The following CMSS1 variants were observed in gnomAD, a reference collection of about 807,000 sequenced individuals.
The protein encoded by CMSS1 is cms1 ribosomal small subunit homolog.
CMSS1 carries 33 observed loss-of-function variants against 43.5 expected under a neutral mutation model. The ratio of observed to expected loss-of-function variants is 0.76; its 90% CI spans 0.57 to 1.01. The LOEUF is 1.01. Ranked by LOEUF, CMSS1 falls within the 50% of genes least tolerant of loss-of-function variation. The pLI is 0.00. For synonymous variants in CMSS1, 115 were observed against 117.2 expected (o/e 0.98, Z 0.12); for missense variants, 313 against 326.4 (o/e 0.96, Z 0.32).
intron 1 of CMSS1, among the ~76,000 whole-genome samples, chr3:99,966,306 G>A (rs964662297): frequency 3.3e-5 from 5 of 152,174 alleles, no homozygotes; most frequent in African/African-American, 1.2e-4. Flanking sequence ...GGGCAAAGCA[G>A]CCTCCACCAC....
At chr3:100,171,921 C>A in intron 7 of CMSS1, 22 bp downstream of exon 7, 1 of 1,583,608 alleles carries the variant, frequency 6.3e-7, no homozygotes, top group South Asian at 1.1e-5. Context: ...CCTGTGTGAT[C>A]CCTAAAGGCC....
At position 99,910,412 on chromosome 3, in the gene CMSS1, G is replaced by A. The variant is rs536315196; in HGVS notation, c.64+92369G>A. The stretch of plus-strand genomic sequence containing the variant: ...ATGTAACAAAAACAGGGTTCTGTGA[G>A]CTTTTAGAGGTGAAATGTTTCATTT... On this transcript the variant is annotated intron_variant, in intron 1 of 9. Transcript: ENST00000421999. Among the ~76,000 whole-genome samples, 276 of 136,310 alleles carry A rather than the reference G, an allele frequency of 2.0e-3. 51 individuals are homozygous for A. The highest frequency in any genetic ancestry group is 2.6e-3 in the Non-Finnish European group (154 of 59,592). The allele number at this position is 136,310 out of a possible 152,430, so 89.4% of individuals were successfully genotyped here.
chr3:99,822,621 A>C (rs1254992496), intron 1 of CMSS1, among the ~76,000 whole-genome samples: 1 of 152,162 alleles, frequency 6.6e-6, no homozygotes, highest in Non-Finnish European at 1.5e-5. Context: ...AATCCCAGCT[A>C]CTCAGGAGAC....
intron 1 of CMSS1, among the ~76,000 whole-genome samples, chr3:100,122,297 T>C (rs1279982928): frequency 6.6e-6 from 1 of 152,178 alleles, no homozygotes; most frequent in Non-Finnish European, 1.5e-5. Flanking sequence ...GGTGGGCTCC[T>C]GGTAACCTAC....
intron 1 of CMSS1, among the ~76,000 whole-genome samples, chr3:99,881,408 A>G (rs1047454340): frequency 6.6e-6 from 1 of 152,218 alleles, no homozygotes; most frequent in Non-Finnish European, 1.5e-5. Flanking sequence ...AATCACAGAA[A>G]TTAGAGACGG....
chr3:99,916,618 A>G lies in CMSS1; in HGVS notation c.64+98575A>G, dbSNP rs9825938. ...AATCACAGGAACCTATGAGATCTCT[A>G]TCATTTTTTAAACAGATGGTGAATC... is the stretch of plus-strand genomic sequence containing the variant. On this transcript the variant is annotated intron_variant, in intron 1 of 9. Transcript: ENST00000421999. Among the ~76,000 whole-genome samples, 764 of 152,282 alleles carry G rather than the reference A, an allele frequency of 5.0e-3. 6 individuals carry two copies. Among genetic ancestry groups the G allele is most frequent in the African/African-American group, 0.017 (721 of 41,558 alleles).
intron 1 of CMSS1, among the ~76,000 whole-genome samples, chr3:99,999,961 G>A (rs1709795217): frequency 6.6e-6 from 1 of 152,130 alleles, no homozygotes; most frequent in Admixed American, 6.6e-5. Flanking sequence ...CTAGACTCTA[G>A]AACAGTGATT....
chr3:100,152,015 CT>C (rs2066914377), intron 2 of CMSS1, among the ~76,000 whole-genome samples: 1 of 152,132 alleles, frequency 6.6e-6, no homozygotes, highest in African/African-American at 2.4e-5. Context: ...GTAGTATAAC[CT>C]TTATTGACAT....
chr3:99,836,666 A>G (rs1459594715), intron 1 of CMSS1, among the ~76,000 whole-genome samples: 1 of 152,190 alleles, frequency 6.6e-6, no homozygotes, highest in Non-Finnish European at 1.5e-5. Flanking sequence ...AGGCCACTCT[A>G]TCTTAATGAT....
intron 1 of CMSS1, among the ~76,000 whole-genome samples, chr3:99,988,339 TCCAA>T (rs1374526895): frequency 0.017 from 483 of 28,348 alleles, 13 homozygotes; most frequent in African/African-American, 0.04. Context: ...CTACTAAAAA[TCCAA>T]AAAAAAAAAA....
chr3:99,924,724 G>C (rs966166564), intron 1 of CMSS1, among the ~76,000 whole-genome samples: 2 of 152,000 alleles, frequency 1.3e-5, no homozygotes, highest in African/African-American at 4.8e-5. Context: ...GTTTCTCCAC[G>C]TTGGTCAGGC....
chr3:100,007,768 T>C (rs1225044686), intron 1 of CMSS1, among the ~76,000 whole-genome samples: 1 of 152,018 alleles, frequency 6.6e-6, no homozygotes, highest in East Asian at 1.9e-4. Flanking sequence ...TGTGATATAG[T>C]ACTGATAGAA....
At chr3:100,148,936 A>T (rs1246799197) in intron 2 of CMSS1, among the ~76,000 whole-genome samples, 1 of 152,098 alleles carries the variant, frequency 6.6e-6, no homozygotes, top group African/African-American at 2.4e-5. Context: ...AGGGTAACAC[A>T]TCCGTAGCTC....
intron 1 of CMSS1, among the ~76,000 whole-genome samples, chr3:99,867,874 CA>C (rs1170043767): frequency 1.3e-5 from 2 of 152,120 alleles, no homozygotes; most frequent in Non-Finnish European, 2.9e-5. Flanking sequence ...TTGTAGTTCA[CA>C]AGTTGTAAGT....
intron 1 of CMSS1, among the ~76,000 whole-genome samples, chr3:99,828,447 A>C (rs951334579): frequency 9.6e-4 from 116 of 120,252 alleles, no homozygotes; most frequent in Middle Eastern, 4.8e-3. Context: ...TCATCACTGC[A>C]CCCTTTTTTT....
At chr3:99,912,617 G>C (rs762394784) in intron 1 of CMSS1, among the ~76,000 whole-genome samples, 1 of 152,076 alleles carries the variant, frequency 6.6e-6, no homozygotes, top group South Asian at 2.1e-4. Context: ...GGCTCAAGCA[G>C]TCCACCTGCC....
chr3:100,140,694 G>C (rs1344747404), intron 1 of CMSS1, among the ~76,000 whole-genome samples: 2 of 152,142 alleles, frequency 1.3e-5, no homozygotes, highest in South Asian at 4.2e-4. Flanking sequence ...AGAGGAGCAA[G>C]GTTGTTCGCT....
chr3:99,837,124 T>A (rs956228805), intron 1 of CMSS1, among the ~76,000 whole-genome samples: 5 of 152,218 alleles, frequency 3.3e-5, no homozygotes, highest in African/African-American at 4.8e-5. Context: ...AATTAATACA[T>A]ACTCTTATAA....
At chr3:99,881,485 T>A (rs1488685266) in intron 1 of CMSS1, among the ~76,000 whole-genome samples, 1 of 151,966 alleles carries the variant, frequency 6.6e-6, no homozygotes, top group East Asian at 1.9e-4. Context: ...CTTTGTTCAG[T>A]CCATTTTTTA....
Sources: gnomAD v4.1 joint callset for allele counts (sites outside exome capture counted in the v4.1 genomes callset) on GRCh38, gnomAD v4.1.1 for gene constraint, MANE v1.5 for transcripts, NCBI Gene and HGNC (gene_info 2026-07-23, HGNC 2026-07-21) for gene names.